Variants in COL26A1 observed in about 807,000 individuals in gnomAD.
The protein encoded by COL26A1 is collagen type XXVI alpha 1 chain.
A neutral mutation model predicts 59.3 loss-of-function variants in COL26A1; 41 were observed. The ratio of observed to expected loss-of-function variants is 0.69; its 90% CI spans 0.54 to 0.90. The LOEUF (loss-of-function observed/expected upper bound fraction) is 0.90, where lower values mean the gene tolerates loss of function less well. COL26A1 is among the 40% of genes least tolerant of loss of function. COL26A1 has a pLI of 0.00. For synonymous variants in COL26A1, 266 were observed against 256.0 expected (o/e 1.04, Z -0.37); for missense variants, 612 against 602.3 (o/e 1.02, Z -0.17).
intron 1 of COL26A1, among the ~76,000 whole-genome samples, chr7:101,385,167 A>G (rs1294839397): frequency 7.9e-6 from 1 of 126,370 alleles, no homozygotes; most frequent in East Asian, 2.1e-4. Flanking sequence ...AAACAACTAG[A>G]AACAATACTT....
chr7:101,497,822 CAT>C (rs1006700929), intron 3 of COL26A1, among the ~76,000 whole-genome samples: 10 of 152,012 alleles, frequency 6.6e-5, no homozygotes, highest in African/African-American at 2.4e-4. Flanking sequence ...CTTACAAAAA[CAT>C]TTTTTAAAAA....
chr7:101,475,906 C>T (rs1389121783), intron 3 of COL26A1, among the ~76,000 whole-genome samples: 1 of 145,840 alleles, frequency 6.9e-6, no homozygotes, highest in Admixed American at 7.1e-5. Flanking sequence ...CTCTCTCTTT[C>T]TCTCTCTCTC....
intron 1 of COL26A1, among the ~76,000 whole-genome samples, chr7:101,364,609 C>T (rs1297045643): frequency 6.6e-6 from 1 of 151,126 alleles, no homozygotes; most frequent in Non-Finnish European, 1.5e-5. Context: ...CTTGCTTGCT[C>T]CCCAGGCTGG....
intron 3 of COL26A1, among the ~76,000 whole-genome samples, chr7:101,455,401 G>T (rs141028688): frequency 6.6e-6 from 1 of 151,982 alleles, no homozygotes; most frequent in Non-Finnish European, 1.5e-5. Context: ...ATAGAAACAC[G>T]TAGTATTACA....
chr7:101,489,918 C>A (rs145556209), intron 3 of COL26A1, among the ~76,000 whole-genome samples: 10 of 55,454 alleles, frequency 1.8e-4, no homozygotes, highest in African/African-American at 1.1e-3. Flanking sequence ...TTCTTTCTTT[C>A]TTGTCTCTCT....
At chr7:101,371,708 C>CT (rs1791199285) in intron 1 of COL26A1, among the ~76,000 whole-genome samples, 1 of 152,046 alleles carries the variant, frequency 6.6e-6, no homozygotes, top group African/African-American at 2.4e-5. Flanking sequence ...GGGAAGAACG[C>CT]TTGAACCCAG....
intron 2 of COL26A1, among the ~76,000 whole-genome samples, chr7:101,439,826 C>A (rs1364230378): frequency 6.6e-6 from 1 of 152,152 alleles, no homozygotes; most frequent in African/African-American, 2.4e-5. Flanking sequence ...AGGGACAACA[C>A]CCCGCTCCAG....
intron 3 of COL26A1, among the ~76,000 whole-genome samples, chr7:101,506,085 G>A (rs1794807781): frequency 6.6e-6 from 1 of 152,186 alleles, no homozygotes; most frequent in African/African-American, 2.4e-5. Flanking sequence ...CTTTCCCTCT[G>A]CCCGAATGGG....
chr7:101,451,285 G>T (rs1793331850), intron 3 of COL26A1, among the ~76,000 whole-genome samples: 1 of 143,418 alleles, frequency 7.0e-6, no homozygotes, highest in African/African-American at 2.6e-5. Flanking sequence ...ATTTATATAT[G>T]ATGTAAATTA....
intron 3 of COL26A1, among the ~76,000 whole-genome samples, chr7:101,453,820 G>A (rs921563910): frequency 3.3e-5 from 5 of 152,124 alleles, no homozygotes; most frequent in Non-Finnish European, 5.9e-5. Flanking sequence ...GGCACATTCC[G>A]AAGATGGTTG....
Position 101,402,902 on chromosome 7 carries a change from G to C in COL26A1, c.159-17075G>C, listed in dbSNP as rs1313259738. On this transcript the variant is annotated intron_variant, in intron 1 of 12. Transcript: ENST00000313669. ...GCTCTTTTGCCCAAGCTAGAGTGTG[G>C]TGGTGCAATCTCAGCTCACTGCAGC... 8.6e-5 allele frequency among the ~76,000 whole-genome samples: 13 copies of C among 151,266 alleles called. No homozygotes were observed. The Admixed American group carries it at 8.6e-4, about 10-fold the overall frequency.
intron 1 of COL26A1, among the ~76,000 whole-genome samples, chr7:101,366,936 G>C (rs948858648): frequency 6.6e-6 from 1 of 152,144 alleles, no homozygotes; most frequent in South Asian, 2.1e-4. Flanking sequence ...CCTCCACGCT[G>C]TTGACTTGTT....
At chr7:101,508,480 CTG>C (rs1223091578) in intron 3 of COL26A1, among the ~76,000 whole-genome samples, 3 of 148,168 alleles carry the variant, frequency 2.0e-5, no homozygotes, top group Non-Finnish European at 4.4e-5. Context: ...GATCACACCA[CTG>C]TACTCCAGAC....
chr7:101,419,760 G>A (rs540240894), intron 1 of COL26A1, among the ~76,000 whole-genome samples: 1 of 152,344 alleles, frequency 6.6e-6, no homozygotes, highest in South Asian at 2.1e-4. Context: ...TGAGTGGTCA[G>A]TGACGGGAAT....
At chr7:101,418,736 G>T (rs1792436850) in intron 1 of COL26A1, among the ~76,000 whole-genome samples, 1 of 152,152 alleles carries the variant, frequency 6.6e-6, no homozygotes, top group African/African-American at 2.4e-5. Context: ...AAAGTGCTGA[G>T]CCACCACCCG....
intron 2 of COL26A1, among the ~76,000 whole-genome samples, chr7:101,424,832 G>A (rs1351084823): frequency 6.6e-6 from 1 of 152,082 alleles, no homozygotes; most frequent in Non-Finnish European, 1.5e-5. Context: ...CCTATATGAA[G>A]CATCTGGTTT....
At chr7:101,556,770 A>G (rs531718460) in intron 12 of COL26A1, among the ~76,000 whole-genome samples, 1 of 152,204 alleles carries the variant, frequency 6.6e-6, no homozygotes, top group South Asian at 2.1e-4. Flanking sequence ...GAATGGGTGG[A>G]TGGGCGGGTG....
intron 3 of COL26A1, among the ~76,000 whole-genome samples, chr7:101,463,907 C>CTT (rs1230084309): frequency 6.6e-5 from 2 of 30,390 alleles, no homozygotes; most frequent in Non-Finnish European, 1.4e-4. Flanking sequence ...CTTTCTTTTT[C>CTT]TTTCTCTCTT....
At chr7:101,393,963 AGATGGGATCTTGCTATGTTGCCCAGGCT>A (rs1791794633) in intron 1 of COL26A1, among the ~76,000 whole-genome samples, 1 of 151,518 alleles carries the variant, frequency 6.6e-6, no homozygotes, top group Non-Finnish European at 1.5e-5. Context: ...TTTTTTTTAG[AGATGGGATCTTGCTATGTTGCCCAGGCT>A]GGTCTCAAAC....
Sources: gnomAD v4.1 joint callset for allele counts (sites outside exome capture counted in the v4.1 genomes callset) on GRCh38, gnomAD v4.1.1 for gene constraint, MANE v1.5 for transcripts, NCBI Gene and HGNC (gene_info 2026-07-23, HGNC 2026-07-21) for gene names.